Variants in EYA1 observed in about 807,000 individuals in gnomAD.
EYA1 encodes the protein EYA transcriptional coactivator and phosphatase 1.
EYA1 carries 16 observed loss-of-function variants against 82.0 expected under a neutral mutation model. The observed-to-expected ratio is 0.20, with a 90% CI of 0.13 to 0.30. The LOEUF (loss-of-function observed/expected upper bound fraction) is 0.30. Among genes scored for constraint, EYA1 ranks in the 10% least tolerant of loss-of-function variants. The probability of loss-of-function intolerance (pLI) is 1.00; values close to 1 mark genes in which losing one functional copy is unlikely to be tolerated. For synonymous variants in EYA1, 261 were observed against 264.4 expected (o/e 0.99, Z 0.12); for missense variants, 633 against 730.7 (o/e 0.87, Z 1.54).
At chr8:71,488,596 C>G (rs1810749109) in intron 2 of EYA1, among the ~76,000 whole-genome samples, 1 of 152,090 alleles carries the variant, frequency 6.6e-6, no homozygotes. Flanking sequence ...GATGAGGGAG[C>G]CAATGGCTGC....
In EYA1 at chr8:71,303,192, C is replaced by T. The variant is rs140661706; in HGVS notation, c.557-3472G>A. The stretch of plus-strand genomic sequence containing the variant: ...CTTTCTCAGAAAAGCCTCCCTGAAT[C>T]CCCATTCTCTCCTCTTTCCCTCTAA... On this transcript the variant is annotated intron_variant, in intron 7 of 17. Transcript: ENST00000340726. 1.6e-3 allele frequency among the ~76,000 whole-genome samples: 234 copies of T among 141,852 alleles called. 16 individuals are homozygous for T. Among genetic ancestry groups the T allele is most frequent in the African/African-American group, 5.7e-3 (230 of 40,292 alleles). The allele number at this position is 141,852 out of a possible 152,430, so 93.1% of individuals were successfully genotyped here. A position where few individuals can be genotyped will look rare whatever the true frequency, so the allele number is the denominator to read the frequency against.
chr8:71,339,632 A>G (rs533028390), intron 3 of EYA1, among the ~76,000 whole-genome samples: 6 of 151,988 alleles, frequency 3.9e-5, no homozygotes, highest in African/African-American at 1.4e-4. Flanking sequence ...TAAATCCTTC[A>G]TCTTCCTGCA....
chr8:71,467,590 A>G (rs1335073678), intron 2 of EYA1, among the ~76,000 whole-genome samples: 1 of 152,152 alleles, frequency 6.6e-6, no homozygotes, highest in Non-Finnish European at 1.5e-5. Flanking sequence ...ACTATTTTGT[A>G]ATTAATTTTG....
rs1043194066 is a variant in EYA1, at chr8:71,198,842, T to TA, written c.*497dup. On this transcript the variant is annotated 3_prime_UTR_variant, in exon 18 of 18. Transcript: ENST00000340726. The stretch of plus-strand genomic sequence containing the variant: ...CAATAAAGCTGTTTTTTTATCTTTT[T>TA]AAAAAAAGTCTGTTCATAAATAAGT... The TA allele has an allele frequency of 6.2e-6, 1 of 161,110 alleles. No individual in the cohort carries two copies. Among genetic ancestry groups the TA allele is most frequent in the Non-Finnish European group, 1.4e-5 (1 of 72,786 alleles). The allele number at this position is 161,110 out of a possible 1,614,324, so 10.0% of individuals were successfully genotyped here. A position where few individuals can be genotyped will look rare whatever the true frequency, so the allele number is the denominator to read the frequency against.
chr8:71,221,182 C>G (rs1290391528), intron 12 of EYA1, among the ~76,000 whole-genome samples: 1 of 152,122 alleles, frequency 6.6e-6, no homozygotes, highest in East Asian at 1.9e-4. Context: ...GTGATTGAAA[C>G]AATCAAACCG....
rs114853253 is a variant in EYA1, at chr8:71,245,193, T to G, written c.1051-501A>C. Reference sequence around the variant, plus strand: ...GGCTTTGAATGCAGCCCAACACAAATTCATAAACTTTTCTTATAACACTAT... The same window carrying G: ...GGCTTTGAATGCAGCCCAACACAAAGTCATAAACTTTTCTTATAACACTAT... On this transcript the variant is annotated intron_variant, in intron 11 of 17. Transcript: ENST00000340726. Among the ~76,000 whole-genome samples, 704 of 152,174 alleles carry G rather than the reference T, an allele frequency of 4.6e-3. 7 individuals carry two copies. The highest frequency in any genetic ancestry group is 0.016 in the African/African-American group (663 of 41,530).
At chr8:71,463,345 T>C (rs548557939) in intron 2 of EYA1, among the ~76,000 whole-genome samples, 3 of 152,210 alleles carry the variant, frequency 2.0e-5, no homozygotes, top group Non-Finnish European at 4.4e-5. Context: ...AATGTGTCTA[T>C]AGACAATAGA....
At chr8:71,356,859 A>G (rs574900246) in intron 1 of EYA1, 3 of 335,824 alleles carry the variant, frequency 8.9e-6, no homozygotes, top group African/African-American at 6.7e-5. Context: ...CTTGGAAAAA[A>G]ATAGCGAATG....
At chr8:71,345,128 A>T (rs1035016469) in intron 3 of EYA1, among the ~76,000 whole-genome samples, 84 of 152,312 alleles carry the variant, frequency 5.5e-4, no homozygotes, top group African/African-American at 1.9e-3. Flanking sequence ...ATATAACATT[A>T]TTTAATAATA....
At chr8:71,239,161 T>C (rs1812184301) in intron 12 of EYA1, among the ~76,000 whole-genome samples, 1 of 152,192 alleles carries the variant, frequency 6.6e-6, no homozygotes, top group Admixed American at 6.5e-5. Context: ...AATATGGGCA[T>C]TGTTTCTTTT....
At chr8:71,378,592 T>C (rs1828512010) in intron 2 of EYA1, among the ~76,000 whole-genome samples, 1 of 152,112 alleles carries the variant, frequency 6.6e-6, no homozygotes, top group African/African-American at 2.4e-5. Flanking sequence ...TAAGGAAGTA[T>C]ATATGGGTTA....
chr8:71,252,167 A>G (rs1485405700), intron 11 of EYA1, among the ~76,000 whole-genome samples: 1 of 152,010 alleles, frequency 6.6e-6, no homozygotes, highest in African/African-American at 2.4e-5. Context: ...TAGTAGGCAC[A>G]ATACATATAG....
At chr8:71,347,396 C>A (rs1157883089) in intron 3 of EYA1, among the ~76,000 whole-genome samples, 1 of 152,146 alleles carries the variant, frequency 6.6e-6, no homozygotes, top group African/African-American at 2.4e-5. Flanking sequence ...GAATGTGGCT[C>A]ACTGCAAGCT....
intron 2 of EYA1, among the ~76,000 whole-genome samples, chr8:71,398,520 G>A (rs1326048749): frequency 6.6e-6 from 1 of 152,182 alleles, no homozygotes; most frequent in Non-Finnish European, 1.5e-5. Context: ...TAACAGTCAG[G>A]ACCCTCAGCT....
At chr8:71,480,877 A>G (rs1168312846) in intron 2 of EYA1, among the ~76,000 whole-genome samples, 1 of 152,178 alleles carries the variant, frequency 6.6e-6, no homozygotes, top group Non-Finnish European at 1.5e-5. Flanking sequence ...TAACTTTAAA[A>G]GGTCTTAAAA....
chr8:71,425,104 C>CAAAAAAAAAAAAAAAA (rs71264555), intron 2 of EYA1, among the ~76,000 whole-genome samples: 1 of 75,288 alleles, frequency 1.3e-5, no homozygotes, highest in African/African-American at 5.6e-5. Context: ...ACTAAAAATA[C>CAAAAAAAAAAAAAAAA]AAAAAAAAAA....
intron 2 of EYA1, among the ~76,000 whole-genome samples, chr8:71,512,317 T>C (rs906887775): frequency 6.6e-6 from 1 of 151,962 alleles, no homozygotes; most frequent in South Asian, 2.1e-4. Context: ...AGAGCCGTTA[T>C]GCAAGAAGGT....
At chr8:71,302,799 G>GGGTACTGTC (rs1563428973) in intron 7 of EYA1, among the ~76,000 whole-genome samples, 4 of 141,614 alleles carry the variant, frequency 2.8e-5, no homozygotes, top group Admixed American at 7.0e-5. Flanking sequence ...ACCCATCTTT[G>GGGTACTGTC]GGTACTGTCC....
chr8:71,453,821 G>A lies in EYA1; in HGVS notation c.33+81923C>T, dbSNP rs189430841. Reference sequence around the variant, plus strand: ...GTACGAGCCACTGCAAAAATATGCCGAATTGTAAAGACCATCGATGCTAGG... The same window carrying A: ...GTACGAGCCACTGCAAAAATATGCCAAATTGTAAAGACCATCGATGCTAGG... On this transcript the variant is annotated intron_variant, in intron 2 of 18. Coordinates refer to the EYA1 transcript ENST00000643681. Among the ~76,000 whole-genome samples the A allele has an allele frequency of 6.6e-5, 10 of 152,130 alleles. No homozygotes were observed. The East Asian group carries it at 7.7e-4, about 12-fold the overall frequency.
Sources: gnomAD v4.1 joint callset for allele counts (sites outside exome capture counted in the v4.1 genomes callset) on GRCh38, gnomAD v4.1.1 for gene constraint, MANE v1.5 for transcripts, NCBI Gene and HGNC (gene_info 2026-07-23, HGNC 2026-07-21) for gene names.